Variants in RGSL1 observed in about 807,000 individuals in gnomAD.
The protein encoded by RGSL1 is regulator of G protein signaling protein-like.
A neutral mutation model predicts 124.7 loss-of-function variants in RGSL1; 97 were observed. That is an observed-to-expected ratio of 0.78 (90% CI 0.66 to 0.92). The LOEUF (loss-of-function observed/expected upper bound fraction) is 0.92, where lower values mean the gene tolerates loss of function less well. Ranked by LOEUF, RGSL1 falls within the 40% of genes least tolerant of loss-of-function variation. The pLI is 0.00. For missense variants in RGSL1, 1,233 were observed against 1,288.4 expected (o/e 0.96, Z 0.66); for synonymous variants, 424 against 438.1 (o/e 0.97, Z 0.40).
At chr1:182,543,411 G>A (rs10797781) in intron 15 of RGSL1, among the ~76,000 whole-genome samples, 78,714 of 151,830 alleles carry the variant, frequency 0.52, 20,653 homozygotes, top group Non-Finnish European at 0.55. Flanking sequence ...ATTAGATCAC[G>A]GTGAATGATC....
intron 13 of RGSL1, among the ~76,000 whole-genome samples, chr1:182,532,262 T>C (rs1378107211): frequency 6.6e-6 from 1 of 152,210 alleles, no homozygotes; most frequent in African/African-American, 2.4e-5. Context: ...AGAAATGGTT[T>C]TGCTCATTTC....
chr1:182,452,547 G>C (rs969288938), intron 1 of RGSL1, among the ~76,000 whole-genome samples: 1 of 151,820 alleles, frequency 6.6e-6, no homozygotes, highest in African/African-American at 2.4e-5. Flanking sequence ...CCACCTCCTG[G>C]CTTCAAGCGA....
At chr1:182,449,757 G>A (rs1651673850), upstream of RGSL1, among the ~76,000 whole-genome samples, 1 of 152,128 alleles carries the variant, frequency 6.6e-6, no homozygotes, top group African/African-American at 2.4e-5. Flanking sequence ...TGTTTTAAAT[G>A]GGCAGAATAT....
At chr1:182,548,663 A>G in intron 16 of RGSL1, 37 bp from the exon 17 acceptor site, 1 of 1,549,198 alleles carries the variant, frequency 6.5e-7, no homozygotes, top group Non-Finnish European at 8.7e-7. Flanking sequence ...CTTCCCGTGG[A>G]GCCTCTGCCA....
chr1:182,550,007 G>A (rs1660462010), intron 17 of RGSL1: 1 of 152,156 alleles, frequency 6.6e-6, no homozygotes, highest in Non-Finnish European at 1.5e-5. Context: ...AATGAGACAT[G>A]CTTTAGGGAT....
At chr1:182,487,448 C>G (rs1171236123) in intron 6 of RGSL1, among the ~76,000 whole-genome samples, 1 of 152,198 alleles carries the variant, frequency 6.6e-6, no homozygotes, top group Non-Finnish European at 1.5e-5. Context: ...GATTCCCAAA[C>G]ATGTTCTTTC....
At chr1:182,488,784 C>A in intron 7 of RGSL1, 196 bp from the exon 8 acceptor site, 34 of 368,454 alleles carry the variant, frequency 9.2e-5, no homozygotes, top group Middle Eastern at 1.5e-3. Flanking sequence ...CAGAAAATTT[C>A]TTCCTTATAG....
intron 1 of RGSL1, among the ~76,000 whole-genome samples, chr1:182,452,011 T>C (rs1230087784): frequency 6.7e-6 from 1 of 148,898 alleles, no homozygotes; most frequent in East Asian, 2.0e-4. Context: ...GTAAGAGAGA[T>C]TGAGAGTGAG....
chr1:182,490,479 T>G (rs558616945), intron 8 of RGSL1, among the ~76,000 whole-genome samples: 4 of 152,238 alleles, frequency 2.6e-5, no homozygotes, highest in Admixed American at 2.0e-4. Context: ...ATGCCCTGGA[T>G]GCCTGTCTGT....
chr1:182,553,444 T>G lies in RGSL1; in HGVS notation c.3044-11T>G. On this transcript the variant is annotated splice_polypyrimidine_tract_variant and intron_variant, in intron 18 of 21. Transcript: ENST00000294854. The stretch of plus-strand genomic sequence containing the variant: ...CAGGTGTTTTTAATGCTTGTTTTTG[T>G]CCTTCCCCAGGAGACAATGCCATCT... 1 of 1,550,958 alleles carries G rather than the reference T, an allele frequency of 6.4e-7. No individual in the cohort carries two copies. The highest frequency in any genetic ancestry group is 8.7e-7 in the Non-Finnish European group (1 of 1,146,376).
At chr1:182,524,614 G>A (rs1439869981) in intron 10 of RGSL1, among the ~76,000 whole-genome samples, 1 of 152,198 alleles carries the variant, frequency 6.6e-6, no homozygotes, top group African/African-American at 2.4e-5. Context: ...AGTAAGAATA[G>A]TGTAATCTGT....
rs561296385 is a variant in RGSL1 at position 182,488,725 on chromosome 1, CAAAAAAAAA to C, written c.1495-240_1495-232del. 487 of 104,882 alleles carry C rather than the reference CAAAAAAAAA, an allele frequency of 4.6e-3. 1 individual carries two copies. Among genetic ancestry groups the C allele is most frequent in the Middle Eastern group, 0.045 (14 of 312 alleles). The allele number at this position is 104,882 out of a possible 1,614,324, so 6.5% of individuals were successfully genotyped here. A position where few individuals can be genotyped will look rare whatever the true frequency, so the allele number is the denominator to read the frequency against. ...TGGGCGACAGAGCGAGACTCCGTCT[CAAAAAAAAA>C]AAAAAAAAAAAAAAGATGACTTTGA... On this transcript the variant is annotated intron_variant, in intron 7 of 21. Coordinates refer to ENST00000294854, the MANE Select transcript of RGSL1 (RefSeq NM_001137669.2).
In RGSL1 at chr1:182,474,385, G is replaced by A. The variant is rs145015476; in HGVS notation, c.1274G>A (p.Arg425His). The A allele has an allele frequency of 1.9e-4, 302 of 1,551,988 alleles. No individual in the cohort carries two copies. In the African/African-American group the frequency reaches 3.3e-3, roughly 17 times the overall value. The change falls in exon 6 of 22, where the codon CGT (arginine) becomes CAT (histidine). Residue 425 changes from arginine to histidine, a missense_variant. Physicochemically the swap from Arg to His is conservative, Grantham distance 29. Coordinates refer to ENST00000294854, the MANE Select transcript of RGSL1 (RefSeq NM_001137669.2). ...NNKKNGNAIF[R>H]HLLGDRICEL... ...AAAAAGAATGGGAATGCAATCTTTC[G>A]TCACTTGCTGGGTGACAGAATCTGC...
intron 2 of RGSL1, among the ~76,000 whole-genome samples, chr1:182,456,844 A>G (rs1384796661): frequency 2.6e-5 from 4 of 152,056 alleles, no homozygotes; most frequent in African/African-American, 9.7e-5. Flanking sequence ...AGTAGGAAGT[A>G]TTTTCCCTTT....
At chr1:182,532,870 C>A (rs1015958700) in intron 14 of RGSL1, 79 bp downstream of exon 14, 2 of 1,438,804 alleles carry the variant, frequency 1.4e-6, no homozygotes, top group Non-Finnish European at 1.9e-6. Flanking sequence ...AAGCTTATTG[C>A]TTTGTGTCAT....
At chr1:182,550,232 G>A (rs1037302572) in intron 17 of RGSL1, 1 of 152,166 alleles carries the variant, frequency 6.6e-6, no homozygotes, top group Admixed American at 6.5e-5. Context: ...GAATCACTTG[G>A]TAAGTGGTAA....
chr1:182,504,397 A>C (rs1656647578), intron 9 of RGSL1, among the ~76,000 whole-genome samples: 1 of 151,006 alleles, frequency 6.6e-6, no homozygotes, highest in Non-Finnish European at 1.5e-5. Context: ...AATTGATTTA[A>C]AGACTAGTAA....
At chr1:182,473,152 C>T (rs914245600) in intron 5 of RGSL1, among the ~76,000 whole-genome samples, 1 of 152,178 alleles carries the variant, frequency 6.6e-6, no homozygotes, top group Non-Finnish European at 1.5e-5. Context: ...TAGTCATACT[C>T]CTCTCTACTC....
chr1:182,493,877 T>C (rs1230125721), intron 9 of RGSL1, among the ~76,000 whole-genome samples: 1 of 152,198 alleles, frequency 6.6e-6, no homozygotes, highest in Non-Finnish European at 1.5e-5. Flanking sequence ...TTGCTTTGTA[T>C]AGAAATTTCA....
Sources: allele counts gnomAD v4.1 joint callset (sites outside exome capture counted in the v4.1 genomes callset), GRCh38; gene constraint gnomAD v4.1.1; transcripts MANE v1.5; gene names NCBI Gene and HGNC (gene_info 2026-07-23, HGNC 2026-07-21).